The following COQ8A variants were observed in gnomAD, a reference collection of about 807,000 sequenced individuals.
COQ8A encodes the protein coenzyme Q8A.
A neutral mutation model predicts 65.0 loss-of-function variants in COQ8A; 51 were observed. The ratio of observed to expected loss-of-function variants is 0.78; its 90% CI spans 0.63 to 0.99. COQ8A has a LOEUF of 0.99. COQ8A is among the 50% of genes least tolerant of loss of function. The pLI is 0.00. For missense variants in COQ8A, 940 were observed against 875.0 expected (o/e 1.07, Z -0.94); for synonymous variants, 371 against 353.2 (o/e 1.05, Z -0.57).
At chr1:226,986,314 A>ATGCCCATTACCATGATGTAATCCAGTT (rs1660109005) in intron 14 of COQ8A, 139 bp from the exon 15 acceptor site, 3 of 967,852 alleles carry the variant, frequency 3.1e-6, no homozygotes, top group Non-Finnish European at 4.7e-6. Flanking sequence ...GTTTGAGTTT[A>ATGCCCATTACCATGATGTAATCCAGTT]TGCCCATTAC....
At chr1:226,948,303 T>G (rs1351644510) in intron 1 of COQ8A, among the ~76,000 whole-genome samples, 3 of 152,178 alleles carry the variant, frequency 2.0e-5, no homozygotes, top group African/African-American at 7.2e-5. Flanking sequence ...CAGCCTCACT[T>G]CTGTCTCCCA....
At chr1:226,974,776 T>G (rs1572060869) in intron 4 of COQ8A, 1 of 152,680 alleles carries the variant, frequency 6.5e-6, no homozygotes, top group African/African-American at 2.4e-5. Flanking sequence ...TGGTCGGTCC[T>G]GAGGGACGTG....
At chr1:226,983,716 C>T (rs1371516111) in intron 9 of COQ8A, 45 bp from the exon 10 acceptor site, 2 of 1,612,068 alleles carry the variant, frequency 1.2e-6, no homozygotes, top group Non-Finnish European at 8.5e-7. Context: ...GGGGGTCCTC[C>T]CTGCAGAGCC....
At chr1:226,982,857 G>C in intron 7 of COQ8A, 37 bp from the exon 8 acceptor site, 2 of 1,612,636 alleles carry the variant, frequency 1.2e-6, no homozygotes, top group South Asian at 1.1e-5. Context: ...GCCCAGGCAG[G>C]GCATGCTCAG....
chr1:226,981,990 C>A (rs375196724), intron 5 of COQ8A, 37 bp from the exon 6 acceptor site: 26 of 1,612,714 alleles, frequency 1.6e-5, no homozygotes, highest in South Asian at 6.6e-5. Flanking sequence ...CCCAGACCCC[C>A]CCGAGTGCCG....
At chr1:226,947,375 C>T (rs773902029) in intron 1 of COQ8A, among the ~76,000 whole-genome samples, 5 of 152,110 alleles carry the variant, frequency 3.3e-5, no homozygotes, top group Non-Finnish European at 5.9e-5. Context: ...TAATACCTCA[C>T]CAGGTCTTTG....
chr1:226,945,306 G>A (rs1360724396), intron 1 of COQ8A, among the ~76,000 whole-genome samples: 5 of 152,156 alleles, frequency 3.3e-5, no homozygotes, highest in Non-Finnish European at 2.9e-5. Flanking sequence ...CAATATATGC[G>A]GTGTCATCTG....
Position 226,986,436 on chromosome 1 carries a change from T to C in COQ8A, c.1660-17T>C. On this transcript the variant is annotated splice_polypyrimidine_tract_variant and intron_variant, in intron 14 of 14. Coordinates refer to ENST00000366777, the MANE Select transcript of COQ8A (RefSeq NM_020247.5). ...TCTGGTGTCTCGCCGCCATTTATCC[T>C]TCCTCTCTTGCCCCAGGTCATGGAA... 6.2e-7 allele frequency: 1 copy of C among 1,610,766 alleles called. No individual in the cohort carries two copies. The highest frequency in any genetic ancestry group is 1.1e-5 in the South Asian group (1 of 91,070).
intron 4 of COQ8A, among the ~76,000 whole-genome samples, chr1:226,967,984 T>C (rs1477709087): frequency 6.6e-6 from 1 of 152,182 alleles, no homozygotes; most frequent in Non-Finnish European, 1.5e-5. Context: ...GCTCACCCAG[T>C]TGAACCTTTC....
intron 1 of COQ8A, among the ~76,000 whole-genome samples, chr1:226,960,504 TTGGTGG>T (rs747818428): frequency 8.9e-6 from 1 of 112,876 alleles, no homozygotes; most frequent in Non-Finnish European, 1.8e-5. Flanking sequence ...GTGGTGGTGC[TTGGTGG>T]TGGTGGTGGT....
intron 1 of COQ8A, among the ~76,000 whole-genome samples, chr1:226,960,426 GGTGGTACTTGGTGGTA>G (rs1302855374): frequency 2.0e-5 from 3 of 150,602 alleles, no homozygotes; most frequent in Admixed American, 6.6e-5. Flanking sequence ...GGTACTTGGT[GGTGGTACTTGGTGGTA>G]CTTGGTGGTG....
chr1:226,970,325 A>G (rs531432419), intron 4 of COQ8A, among the ~76,000 whole-genome samples: 13 of 152,382 alleles, frequency 8.5e-5, no homozygotes, highest in Admixed American at 2.6e-4. Flanking sequence ...TGTGAACATC[A>G]TAGAGTGTAC....
Position 226,968,004 on chromosome 1 carries a change from GTTATGACCC to G in COQ8A, c.655+2270_655+2278del, listed in dbSNP as rs530640160. Among the ~76,000 whole-genome samples the G allele has an allele frequency of 3.7e-3, 562 of 152,298 alleles. 3 individuals carry two copies. Among genetic ancestry groups the G allele is most frequent in the African/African-American group, 0.013 (543 of 41,568 alleles). Reference sequence around the variant, plus strand: ...CCCAGTTGAACCTTTCAAACTGTAGGTTATGACCCTTTAGTAACTGTGAAATTAATTTAA... The same window carrying G: ...CCCAGTTGAACCTTTCAAACTGTAGGTTTAGTAACTGTGAAATTAATTTAA... On this transcript the variant is annotated intron_variant, in intron 4 of 14. Coordinates refer to ENST00000366777, the MANE Select transcript of COQ8A (RefSeq NM_020247.5).
At chr1:226,955,489 TCTCTCTGGCTGCCA>T (rs1657642304) in intron 1 of COQ8A, among the ~76,000 whole-genome samples, 2 of 141,930 alleles carry the variant, frequency 1.4e-5, no homozygotes. Flanking sequence ...TGGCTGCCAC[TCTCTCTGGCTGCCA>T]CTCCCTGGTT....
chr1:226,978,918 C>T (rs1572071822), intron 5 of COQ8A, among the ~76,000 whole-genome samples: 1 of 61,034 alleles, frequency 1.6e-5, no homozygotes, highest in Non-Finnish European at 4.6e-5. Flanking sequence ...CACCTCCTTA[C>T]CCCTCCACAC....
At chr1:226,958,787 T>C (rs1188278241) in intron 1 of COQ8A, among the ~76,000 whole-genome samples, 2 of 152,176 alleles carry the variant, frequency 1.3e-5, no homozygotes, top group Non-Finnish European at 2.9e-5. Context: ...AGGAGGCTGC[T>C]GTACCAAGGA....
intron 4 of COQ8A, among the ~76,000 whole-genome samples, chr1:226,976,020 C>T (rs920189342): frequency 4.0e-5 from 6 of 148,968 alleles, no homozygotes; most frequent in Admixed American, 6.7e-5. Context: ...GAGCCCTCTC[C>T]CCCAACAGCC....
intron 1 of COQ8A, among the ~76,000 whole-genome samples, chr1:226,947,780 G>A (rs528379664): frequency 6.9e-6 from 1 of 144,584 alleles, no homozygotes; most frequent in South Asian, 2.2e-4. Flanking sequence ...CTAGGCAACA[G>A]TAAGACCCTG....
chr1:226,966,910 G>T lies in COQ8A; in HGVS notation c.655+1173G>T, dbSNP rs924448734. Among the ~76,000 whole-genome samples, 2 of 152,150 alleles carry T rather than the reference G, an allele frequency of 1.3e-5. 1 individual carries two copies. Among genetic ancestry groups the T allele is most frequent in the Admixed American group, 1.3e-4 (2 of 15,274 alleles). On this transcript the variant is annotated intron_variant, in intron 4 of 14. Transcript: ENST00000366777. Reference sequence around the variant, plus strand: ...ATGATGGCTGGCCCCCCTCTCCAAGGTGCTGAGCAGACTTGGTTAACTGGA... The same window carrying T: ...ATGATGGCTGGCCCCCCTCTCCAAGTTGCTGAGCAGACTTGGTTAACTGGA...
Sources: allele counts gnomAD v4.1 joint callset (sites outside exome capture counted in the v4.1 genomes callset), GRCh38; gene constraint gnomAD v4.1.1; transcripts MANE v1.5; gene names NCBI Gene and HGNC (gene_info 2026-07-23, HGNC 2026-07-21).